The following DYM variants were observed in gnomAD, a reference collection of about 807,000 sequenced individuals.
DYM encodes dyggve-Melchior-Clausen syndrome protein.
DYM carries 78 observed loss-of-function variants against 93.1 expected under a neutral mutation model. The observed-to-expected ratio is 0.84, with a 90% CI of 0.70 to 1.01. The LOEUF (loss-of-function observed/expected upper bound fraction) is 1.01, where lower values mean the gene tolerates loss of function less well. Ranked by LOEUF, DYM falls within the 50% of genes least tolerant of loss-of-function variation. The pLI is 0.00. For missense variants in DYM, 789 were observed against 845.0 expected (o/e 0.93, Z 0.82); for synonymous variants, 321 against 319.7 (o/e 1.00, Z -0.04).
intron 15 of DYM, among the ~76,000 whole-genome samples, chr18:49,125,759 G>A (rs1263236624): frequency 1.3e-5 from 2 of 152,124 alleles, no homozygotes; most frequent in African/African-American, 2.4e-5. Flanking sequence ...CATCCCAAGT[G>A]GTCAACCAGC....
rs1568189068 is a variant in DYM, at chr18:49,292,624, A to AAAAAAAC, written c.764-6009_764-6008insGTTTTTT. ...AAAAAAAAAAAAAAAAAAAAAAAAA[A>AAAAAAAC]ACCCCCACAAAAACCTGTCCACCAG... On this transcript the variant is annotated intron_variant, in intron 8 of 17. Coordinates refer to ENST00000675505, the MANE Select transcript of DYM (RefSeq NM_001353214.3). Among the ~76,000 whole-genome samples, 18 of 65,052 alleles carry AAAAAAAC rather than the reference A, an allele frequency of 2.8e-4. 1 individual carries two copies. In the South Asian group the frequency reaches 4.8e-3, roughly 17 times the overall value. The allele number at this position is 65,052 out of a possible 152,430, so 42.7% of individuals were successfully genotyped here.
intron 8 of DYM, among the ~76,000 whole-genome samples, chr18:49,296,427 T>C (rs771549259): frequency 1.3e-5 from 2 of 152,154 alleles, no homozygotes; most frequent in Admixed American, 6.5e-5. Flanking sequence ...CTGCTATGGA[T>C]TGAGCAAAGT....
intron 8 of DYM, among the ~76,000 whole-genome samples, chr18:49,326,768 A>G (rs2062908688): frequency 6.6e-6 from 1 of 152,216 alleles, no homozygotes; most frequent in Non-Finnish European, 1.5e-5. Context: ...GCTATACTCA[A>G]TAAAGGAGAC....
chr18:49,439,391 A>C (rs998792024), intron 1 of DYM, among the ~76,000 whole-genome samples: 1 of 152,138 alleles, frequency 6.6e-6, no homozygotes, highest in Non-Finnish European at 1.5e-5. Flanking sequence ...TACCCCTTAA[A>C]ACTCTCCACT....
intron 14 of DYM, among the ~76,000 whole-genome samples, chr18:49,194,263 T>C (rs1376006168): frequency 1.3e-5 from 2 of 152,186 alleles, no homozygotes; most frequent in East Asian, 3.8e-4. Context: ...TCCATACACA[T>C]AGTTTAAACT....
chr18:49,270,816 C>T (rs934477560), intron 11 of DYM, among the ~76,000 whole-genome samples: 5 of 152,032 alleles, frequency 3.3e-5, no homozygotes, highest in African/African-American at 1.2e-4. Context: ...CTTAAGGGAA[C>T]ATTAGAGAGG....
intron 2 of DYM, among the ~76,000 whole-genome samples, chr18:49,417,050 A>G (rs1409709021): frequency 1.3e-5 from 2 of 152,096 alleles, no homozygotes; most frequent in African/African-American, 4.8e-5. Context: ...ATTCCTCTCA[A>G]CACAAACTGG....
chr18:49,213,392 G>C (rs1376528664), intron 13 of DYM, among the ~76,000 whole-genome samples: 1 of 151,708 alleles, frequency 6.6e-6, no homozygotes, highest in Non-Finnish European at 1.5e-5. Flanking sequence ...CGCCTCCCGG[G>C]TTCAAGCAAT....
At chr18:49,253,673 G>A (rs1029109124) in intron 13 of DYM, among the ~76,000 whole-genome samples, 2 of 152,158 alleles carry the variant, frequency 1.3e-5, no homozygotes, top group African/African-American at 4.8e-5. Flanking sequence ...CCTTGAACAA[G>A]AAAAGTGCTG....
At chr18:49,411,641 A>C (rs1478346148) in intron 2 of DYM, among the ~76,000 whole-genome samples, 1 of 152,190 alleles carries the variant, frequency 6.6e-6, no homozygotes, top group African/African-American at 2.4e-5. Context: ...AGAAGTTATA[A>C]CAGACCTCTG....
At chr18:49,166,721 T>C (rs987831067) in intron 14 of DYM, among the ~76,000 whole-genome samples, 1 of 152,086 alleles carries the variant, frequency 6.6e-6, no homozygotes, top group Non-Finnish European at 1.5e-5. Context: ...CTGGAATAAA[T>C]GGAATTTCAG....
At chr18:49,083,079 T>C (rs1048586681) in intron 17 of DYM, among the ~76,000 whole-genome samples, 39 of 133,906 alleles carry the variant, frequency 2.9e-4, no homozygotes, top group African/African-American at 9.0e-4. Context: ...ATTTTAGGCT[T>C]TGTGAGCCAA....
rs2090164199 is a variant in DYM at position 49,183,824 on chromosome 18, G to C, written c.1626-20037C>G. Among the ~76,000 whole-genome samples, 5 of 152,114 alleles carry C rather than the reference G, an allele frequency of 3.3e-5. No individual in the cohort carries two copies. The South Asian group carries it at 1.0e-3, about 32-fold the overall frequency. On this transcript the variant is annotated intron_variant, in intron 14 of 17. Transcript: ENST00000675505. ...TATTTGGAATAAGGAAATAATTAAG[G>C]TTAATGAGGTCATAAGGGTGAGGCT...
At chr18:49,172,835 T>C (rs1195480300) in intron 14 of DYM, among the ~76,000 whole-genome samples, 1 of 152,118 alleles carries the variant, frequency 6.6e-6, no homozygotes, top group Admixed American at 6.6e-5. Context: ...TTTTATGTCC[T>C]ATCTAAGAAA....
intron 17 of DYM, among the ~76,000 whole-genome samples, chr18:49,076,506 A>G (rs2077319015): frequency 6.6e-6 from 1 of 152,234 alleles, no homozygotes; most frequent in Non-Finnish European, 1.5e-5. Context: ...GTTTTATATA[A>G]AGAGTTATCA....
At chr18:49,099,745 T>C (rs1437387575) in intron 16 of DYM, among the ~76,000 whole-genome samples, 3 of 152,300 alleles carry the variant, frequency 2.0e-5, no homozygotes, top group South Asian at 2.1e-4. Flanking sequence ...CACGGTAAGA[T>C]GCATCGTTTA....
intron 8 of DYM, among the ~76,000 whole-genome samples, chr18:49,303,337 G>A (rs570799833): frequency 6.6e-6 from 1 of 152,122 alleles, no homozygotes; most frequent in South Asian, 2.1e-4. Flanking sequence ...CTACATTTAA[G>A]GTGCCCATGA....
chr18:49,312,786 A>G lies in DYM; in HGVS notation c.763+19078T>C, dbSNP rs536557450. On this transcript the variant is annotated intron_variant, in intron 8 of 17. Coordinates refer to ENST00000675505, the MANE Select transcript of DYM (RefSeq NM_001353214.3). ...ACCACCAGGGGTCCCCAACTTGCAG[A>G]GTGACTAAGAAGAAAAATCCTGCAT... Among the ~76,000 whole-genome samples the G allele has an allele frequency of 6.0e-4, 92 of 152,158 alleles. 1 individual carries two copies. Among genetic ancestry groups the G allele is most frequent in the Non-Finnish European group, 1.1e-3 (74 of 68,030 alleles).
At chr18:49,066,423 T>G (rs1415976586) in intron 17 of DYM, among the ~76,000 whole-genome samples, 1 of 152,228 alleles carries the variant, frequency 6.6e-6, no homozygotes, top group Non-Finnish European at 1.5e-5. Context: ...CATGTGAGAT[T>G]GAAACATGTT....
Sources: allele counts gnomAD v4.1 joint callset (sites outside exome capture counted in the v4.1 genomes callset), GRCh38; gene constraint gnomAD v4.1.1; transcripts MANE v1.5; gene names NCBI Gene and HGNC (gene_info 2026-07-23, HGNC 2026-07-21).